The following RBFOX1 variants were observed in gnomAD, a reference collection of about 807,000 sequenced individuals.
RBFOX1 encodes the protein RNA binding protein fox-1 homolog 1.
A neutral mutation model predicts 57.7 loss-of-function variants in RBFOX1; 8 were observed. The ratio of observed to expected loss-of-function variants is 0.14; its 90% confidence interval spans 0.08 to 0.25. RBFOX1 has a LOEUF of 0.25. RBFOX1 is among the 10% of genes least tolerant of loss of function. The pLI, the probability that RBFOX1 is intolerant of heterozygous loss-of-function variation, is 1.00. For synonymous variants in RBFOX1, 326 were observed against 222.4 expected (o/e 1.47, Z -4.15); for missense variants, 611 against 548.5 (o/e 1.11, Z -1.14).
chr16:7,145,761 G>C (rs1301084156), intron 4 of RBFOX1, among the ~76,000 whole-genome samples: 1 of 152,118 alleles, frequency 6.6e-6, no homozygotes, highest in Non-Finnish European at 1.5e-5. Context: ...GTATTAGGGA[G>C]ATATAAAAAT....
intron 2 of RBFOX1, among the ~76,000 whole-genome samples, chr16:5,577,359 TG>T (rs1486941690): frequency 6.6e-6 from 1 of 152,160 alleles, no homozygotes; most frequent in African/African-American, 2.4e-5. Flanking sequence ...ATAGACCTGT[TG>T]GCGGGGGGGT....
At chr16:5,699,812 A>G (rs1283235259) in intron 3 of RBFOX1, among the ~76,000 whole-genome samples, 3 of 152,112 alleles carry the variant, frequency 2.0e-5, no homozygotes, top group East Asian at 1.9e-4. Context: ...AGCAGACATT[A>G]TCTTTGTGTT....
At chr16:5,816,462 C>A (rs180703197) in intron 3 of RBFOX1, among the ~76,000 whole-genome samples, 4 of 152,258 alleles carry the variant, frequency 2.6e-5, no homozygotes, top group East Asian at 1.9e-4. Context: ...AATTCCATAG[C>A]CTCTCATGAA....
chr16:6,579,478 G>C (rs2097501317), intron 2 of RBFOX1, among the ~76,000 whole-genome samples: 1 of 152,144 alleles, frequency 6.6e-6, no homozygotes, highest in Non-Finnish European at 1.5e-5. Flanking sequence ...TCATGGGAAT[G>C]GTTACTTCCA....
intron 2 of RBFOX1, among the ~76,000 whole-genome samples, chr16:6,594,274 A>T: frequency 6.6e-6 from 1 of 152,220 alleles, no homozygotes; most frequent in East Asian, 1.9e-4. Context: ...TTCAGATTTA[A>T]CAGAACCATC....
intron 1 of RBFOX1, chr16:5,240,199 C>G: frequency 3.3e-6 from 3 of 901,692 alleles, no homozygotes; most frequent in East Asian, 2.6e-5. Context: ...GTGGCCGGCC[C>G]CGGGTTGAAG....
rs181949611 is a variant in RBFOX1, at chr16:6,615,676, C to A, written c.-63-38927C>A. Among the ~76,000 whole-genome samples the A allele has an allele frequency of 1.3e-3, 197 of 152,264 alleles. 1 individual carries two copies. The highest frequency in any genetic ancestry group is 4.5e-3 in the African/African-American group (186 of 41,534). ...CATGAAATGTCCATGTGCTTTCCAT[C>A]AGCCTTTCCCTCTCCAGGAGAACAT... On this transcript the variant is annotated intron_variant, in intron 2 of 15. Transcript: ENST00000550418.
chr16:6,713,765 C>T (rs1313004417), intron 3 of RBFOX1, among the ~76,000 whole-genome samples: 2 of 152,150 alleles, frequency 1.3e-5, no homozygotes, highest in African/African-American at 4.8e-5. Context: ...GCAACTCCTG[C>T]TCACCCTTCA....
At chr16:5,649,751 A>G (rs1332557053) in intron 3 of RBFOX1, among the ~76,000 whole-genome samples, 3 of 152,218 alleles carry the variant, frequency 2.0e-5, no homozygotes, top group Non-Finnish European at 2.9e-5. Flanking sequence ...ATTGAAGGCC[A>G]TCATGTACAA....
chr16:7,364,638 G>T (rs1363479984), intron 4 of RBFOX1, among the ~76,000 whole-genome samples: 4 of 151,022 alleles, frequency 2.6e-5, no homozygotes, highest in African/African-American at 9.7e-5. Context: ...AGCCATTAGA[G>T]GCTGGCTGTA....
chr16:6,111,114 G>C (rs2096441841), intron 1 of RBFOX1, among the ~76,000 whole-genome samples: 1 of 152,132 alleles, frequency 6.6e-6, no homozygotes, highest in Non-Finnish European at 1.5e-5. Flanking sequence ...GGATGGGCGA[G>C]AGAGGGAGAT....
At chr16:5,872,457 A>G (rs957441492) in intron 4 of RBFOX1, among the ~76,000 whole-genome samples, 3 of 152,236 alleles carry the variant, frequency 2.0e-5, no homozygotes, top group African/African-American at 7.2e-5. Context: ...CTGGCTGGGC[A>G]TGGTGGCTCA....
intron 2 of RBFOX1, among the ~76,000 whole-genome samples, chr16:6,494,376 C>T (rs190014723): frequency 3.3e-5 from 5 of 152,304 alleles, no homozygotes; most frequent in African/African-American, 9.6e-5. Flanking sequence ...TCGCGACCAC[C>T]TGCCCCTGTT....
At chr16:5,934,485 A>G (rs929551643) in intron 4 of RBFOX1, among the ~76,000 whole-genome samples, 2 of 152,240 alleles carry the variant, frequency 1.3e-5, no homozygotes, top group Non-Finnish European at 2.9e-5. Flanking sequence ...ATTACAAGAC[A>G]TCAGAGTGAA....
chr16:6,931,632 A>C (rs1460299636), intron 3 of RBFOX1, among the ~76,000 whole-genome samples: 2 of 152,154 alleles, frequency 1.3e-5, no homozygotes, highest in African/African-American at 4.8e-5. Context: ...TGTCTTTGCC[A>C]GCTTCTATCC....
intron 4 of RBFOX1, among the ~76,000 whole-genome samples, chr16:7,324,892 C>G (rs1339276210): frequency 3.3e-5 from 5 of 152,174 alleles, no homozygotes; most frequent in South Asian, 4.1e-4. Context: ...ATAAATTGAA[C>G]TTGATATCCT....
intron 1 of RBFOX1, among the ~76,000 whole-genome samples, chr16:5,284,335 G>T (rs755368325): frequency 6.6e-6 from 1 of 152,072 alleles, no homozygotes. Context: ...TTGCAGTTTG[G>T]TGGTTTTCTT....
chr16:6,494,889 C>T (rs1274706446), intron 2 of RBFOX1, among the ~76,000 whole-genome samples: 4 of 152,172 alleles, frequency 2.6e-5, no homozygotes, highest in Non-Finnish European at 4.4e-5. Context: ...TAGCATCCAC[C>T]ATATGCCAGG....
chr16:7,048,548 C>G (rs140365246), intron 3 of RBFOX1, among the ~76,000 whole-genome samples: 1 of 152,172 alleles, frequency 6.6e-6, no homozygotes, highest in Non-Finnish European at 1.5e-5. Context: ...CGTGAGCCAC[C>G]GCGCCCAGCT....
Sources: allele counts gnomAD v4.1 joint callset (sites outside exome capture counted in the v4.1 genomes callset), GRCh38; gene constraint gnomAD v4.1.1; transcripts MANE v1.5; gene names NCBI Gene and HGNC (gene_info 2026-07-23, HGNC 2026-07-21).